The following BTNL2 variants were observed in gnomAD, a reference collection of about 807,000 sequenced individuals.
BTNL2 encodes butyrophilin like 2.
A neutral mutation model predicts 46.8 loss-of-function variants in BTNL2; 46 were observed. The observed-to-expected ratio is 0.98, with a 90% CI of 0.78 to 1.26. The LOEUF is 1.26. Ranked by LOEUF, BTNL2 falls within the 50% of genes most tolerant of loss-of-function variation. The probability of loss-of-function intolerance (pLI) is 0.00; values close to 1 mark genes in which losing one functional copy is unlikely to be tolerated. For missense variants in BTNL2, 461 were observed against 592.6 expected, an observed-to-expected ratio of 0.78 and a Z score of 2.31; for synonymous variants, 226 against 229.1, an observed-to-expected ratio of 0.99 and a Z score of 0.12.
intron 5 of BTNL2, 70 bp downstream of exon 5, chr6:32,395,969 G>T: frequency 8.0e-7 from 1 of 1,248,634 alleles, no homozygotes; most frequent in Non-Finnish European, 1.1e-6. Flanking sequence ...CAGAGAAATT[G>T]TCCAGGAACT....
intron 4 of BTNL2, among the ~76,000 whole-genome samples, chr6:32,397,170 T>C (rs1004190267): frequency 6.6e-6 from 1 of 152,202 alleles, no homozygotes; most frequent in African/African-American, 2.4e-5. Flanking sequence ...AATTTATAAA[T>C]TGCTCATTTT....
rs530038932 is a variant in BTNL2 at position 32,396,108 on chromosome 6, C to T, written c.1009G>A (p.Gly337Arg). Residue 337 changes from glycine to arginine, a missense_variant, in exon 5 of 8, where the codon GGG (glycine) becomes AGG (arginine). Coordinates refer to ENST00000454136, the MANE Select transcript of BTNL2 (RefSeq NM_001304561.2). The surrounding 1 kb of genome is among the most constrained non-coding windows in gnomAD (Gnocchi z 4.4). ...TTTTCAAAAAGGCAGCGGTACTGCC[C>T]GTCGTCCGAAGGTCTGGCACTGAGT... is the stretch of plus-strand genomic sequence containing the variant. ...QILSARPSDD[G>R]QYRCLFEKDD... 1.4e-5 allele frequency: 22 copies of T among 1,613,062 alleles called. No individual in the cohort carries two copies. Among genetic ancestry groups the T allele is most frequent in the African/African-American group, 5.3e-5 (4 of 75,032 alleles).
Position 32,405,109 on chromosome 6 carries a change from A to G in BTNL2, c.257T>C (p.Met86Thr), listed in dbSNP as rs1777040462. 1 of 1,613,042 alleles carries G rather than the reference A, an allele frequency of 6.2e-7. No individual in the cohort carries two copies. Among genetic ancestry groups the G allele is most frequent in the Non-Finnish European group, 8.5e-7 (1 of 1,180,038 alleles). Residue 86 changes from methionine (M) to threonine (T), a missense_variant, in exon 2 of 8, where the codon ATG becomes ACG. By Grantham distance (81) the Met-to-Thr change is moderately conservative (BLOSUM62 -1). Coordinates refer to ENST00000454136, the MANE Select transcript of BTNL2 (RefSeq NM_001304561.2). ...CCAGCCTCTGTACTCCTCCATCTGC[A>G]TCTCAGTCACCTCCACTCCATCCCT... ...VHRDGVEVTE[M>T]QMEEYRGWVE...
intron 5 of BTNL2, among the ~76,000 whole-genome samples, chr6:32,395,435 C>T (rs117722422): frequency 0.012 from 1,855 of 152,220 alleles, 69 homozygotes; most frequent in East Asian, 0.11. Context: ...TCTCAACATG[C>T]GCTCCCATGG....
chr6:32,407,165 G>C lies in BTNL2; in HGVS notation c.-42C>G. The C allele has an allele frequency of 1.3e-6, 2 of 1,556,352 alleles. No individual in the cohort carries two copies. The highest frequency in any genetic ancestry group is 2.2e-5 in the South Asian group (2 of 89,898). On this transcript the variant is annotated 5_prime_UTR_variant, in exon 1 of 8. Transcript: ENST00000454136. ...ACAAGGAAACGCTGTGCCTAAGTGA[G>C]GCTGTGACACACCCGGCACACTCCA...
rs780371187 is a variant in BTNL2 at position 32,405,205 on chromosome 6, G to A, written c.161C>T (p.Pro54Leu). Residue 54 changes from proline (P) to leucine (L), a missense_variant, in exon 2 of 8, where the codon CCC (proline) becomes CTC (leucine). Coordinates refer to ENST00000454136, the MANE Select transcript of BTNL2 (RefSeq NM_001304561.2). ...CTCCACGTGCATTGTGGTCCTCTTG[G>A]GGAGTAGCTGGCAGGTTAACAGGGC... The part of the protein sequence containing the change: ...EDALLTCQLL[P>L]KRTTMHVEVR... 5 of 1,613,056 alleles carry A rather than the reference G, an allele frequency of 3.1e-6. No homozygotes were observed. The South Asian group carries it at 5.5e-5, about 18-fold the overall frequency.
intron 4 of BTNL2, among the ~76,000 whole-genome samples, chr6:32,400,784 A>G (rs9268487): frequency 0.33 from 38,035 of 114,630 alleles, 8,239 homozygotes; most frequent in Non-Finnish European, 0.38. Context: ...GTGGTGGCGC[A>G]TGCCTGTAGT....
chr6:32,396,753 G>A lies in BTNL2; in HGVS notation c.731-367C>T, dbSNP rs1431679386. ...CCCAGCACTTTGGGAGGCCGAAGCG[G>A]GTGGATCACCAGAGGTCAGGAGTTC... On this transcript the variant is annotated intron_variant, in intron 4 of 7. Coordinates refer to ENST00000454136, the MANE Select transcript of BTNL2 (RefSeq NM_001304561.2). This position sits in a 1 kb window ranked among gnomAD's most constrained non-coding sequence, Gnocchi z 4.4. Among the ~76,000 whole-genome samples, 1 of 152,110 alleles carries A rather than the reference G, an allele frequency of 6.6e-6. No individual in the cohort carries two copies. Among genetic ancestry groups the A allele is most frequent in the Non-Finnish European group, 1.5e-5 (1 of 68,046 alleles).
chr6:32,394,585 C>G lies in BTNL2; in HGVS notation c.1360+159G>C. On this transcript the variant is annotated intron_variant, in intron 6 of 7. Transcript: ENST00000454136. The surrounding 1 kb of genome is among the most constrained non-coding windows in gnomAD (Gnocchi z 4.6). ...AGAGAAACTCAGAGGAGTAGAATCC[C>G]TGGGTGTCCTGAAAACCAGCTTTGC... is the stretch of plus-strand genomic sequence containing the variant. 3.9e-6 allele frequency: 3 copies of G among 777,016 alleles called. No homozygotes were observed. The highest frequency in any genetic ancestry group is 6.0e-6 in the Non-Finnish European group (3 of 503,558). The allele number at this position is 777,016 out of a possible 1,614,324, so 48.1% of individuals were successfully genotyped here. A position where few individuals can be genotyped will look rare whatever the true frequency, so the allele number is the denominator to read the frequency against.
chr6:32,395,575 T>A (rs1776397283), intron 5 of BTNL2, among the ~76,000 whole-genome samples: 1 of 152,186 alleles, frequency 6.6e-6, no homozygotes. Flanking sequence ...ACACGGACAG[T>A]GGGAAATGAT....
rs192470463 is a variant in BTNL2, at chr6:32,395,548, C to T, written c.1078+491G>A. Among the ~76,000 whole-genome samples, 372 of 152,258 alleles carry T rather than the reference C, an allele frequency of 2.4e-3. 9 individuals are homozygous for T. The highest frequency in any genetic ancestry group is 0.023 in the Admixed American group (359 of 15,300). ...CTCAATGGCATCTGCTAACCTTGGA[C>T]GTTTCAATTCTCACACACACGGACA... On this transcript the variant is annotated intron_variant, in intron 5 of 7. Transcript: ENST00000454136.
chr6:32,406,096 A>G (rs1777129624), intron 1 of BTNL2: 1 of 152,446 alleles, frequency 6.6e-6, no homozygotes, highest in Non-Finnish European at 1.5e-5. Flanking sequence ...CTCCGGGGCC[A>G]TTTGCTCTTT....
rs532628830 is a variant in BTNL2 at position 32,405,765 on chromosome 6, T to C, written c.80-479A>G. ...GATAATAAATCCATTTATTAGCTTT[T>C]TTTAGCCTTTCAGGATTCCTCTTCT... On this transcript the variant is annotated intron_variant, in intron 1 of 7. Coordinates refer to ENST00000454136, the MANE Select transcript of BTNL2 (RefSeq NM_001304561.2). Among the ~76,000 whole-genome samples, 4 of 152,326 alleles carry C rather than the reference T, an allele frequency of 2.6e-5. No homozygotes were observed. The East Asian group carries it at 7.7e-4, about 29-fold the overall frequency.
intron 2 of BTNL2, among the ~76,000 whole-genome samples, chr6:32,404,506 G>A (rs1776988425): frequency 6.6e-6 from 1 of 152,144 alleles, no homozygotes; most frequent in African/African-American, 2.4e-5. Context: ...CTAACTGAGG[G>A]CATTTCACAA....
rs960061081 is a variant in BTNL2, at chr6:32,394,338, A to C, written c.1361-281T>G. ...GAATGACTTGAGGAGGAAAGGATAA[A>C]ATTACTCAAGCCGCAACCATGAAGA... On this transcript the variant is annotated intron_variant, in intron 6 of 7. Coordinates refer to ENST00000454136, the MANE Select transcript of BTNL2 (RefSeq NM_001304561.2). The surrounding 1 kb of genome is among the most constrained non-coding windows in gnomAD (Gnocchi z 4.6). Among the ~76,000 whole-genome samples the C allele has an allele frequency of 2.6e-5, 4 of 152,240 alleles. No individual in the cohort carries two copies. The highest frequency in any genetic ancestry group is 4.4e-5 in the Non-Finnish European group (3 of 68,042).
In BTNL2 at chr6:32,400,912, C is replaced by CAAA. The variant is rs760395296; in HGVS notation, c.730+870_730+872dup. ...TGGGCAACAGAGCGAGACTCCGTCTCAAAAAAAAAAAAAATGCCCGGCGTG... is the reference window on the plus strand; with the variant it reads ...TGGGCAACAGAGCGAGACTCCGTCTCAAAAAAAAAAAAAAAAATGCCCGGCGTG... On this transcript the variant is annotated intron_variant, in intron 4 of 7. Transcript: ENST00000454136. Among the ~76,000 whole-genome samples, 41 of 93,830 alleles carry CAAA rather than the reference C, an allele frequency of 4.4e-4. 1 individual carries two copies. The highest frequency in any genetic ancestry group is 6.2e-4 in the African/African-American group (15 of 24,370). The allele number at this position is 93,830 out of a possible 152,430, so 61.6% of individuals were successfully genotyped here.
Position 32,393,705 on chromosome 6 carries a change from T to C in BTNL2, c.*6+258A>G, listed in dbSNP as rs143385136. The stretch of plus-strand genomic sequence containing the variant: ...TCTTCTTCTTCCCTAACCAGATCAC[T>C]GGGGAATGGGCAGCAGGAAATCAAA... On this transcript the variant is annotated intron_variant, in intron 7 of 7. Transcript: ENST00000454136. This position sits in a 1 kb window ranked among gnomAD's most constrained non-coding sequence, Gnocchi z 4.8. 2.7e-3 allele frequency: 949 copies of C among 357,996 alleles called. 11 individuals are homozygous for C. Among genetic ancestry groups the C allele is most frequent in the African/African-American group, 0.018 (864 of 47,260 alleles). The allele number at this position is 357,996 out of a possible 1,614,324, so 22.2% of individuals were successfully genotyped here.
chr6:32,401,752 C>T (rs755057103), intron 4 of BTNL2, 33 bp downstream of exon 4: 30 of 1,602,398 alleles, frequency 1.9e-5, no homozygotes, highest in Non-Finnish European at 2.3e-5. Flanking sequence ...CAGAGGCTCC[C>T]TCCACAGGTG....
rs558755529 is a variant in BTNL2, at chr6:32,396,284, A to G, written c.833T>C (p.Met278Thr). The change falls in exon 5 of 8, where the codon ATG becomes ACG. Residue 278 changes from methionine to threonine, a missense_variant. By Grantham distance (81) the Met-to-Thr change is moderately conservative (BLOSUM62 -1). Transcript: ENST00000454136. This position sits in a 1 kb window ranked among gnomAD's most constrained non-coding sequence, Gnocchi z 4.4. ...YLSPKANAQS[M>T]EVRWDRSHRY... ...GTGGGATCGGTCCCACCTCACCTCCATGCTCTGTGCATTCGCCTTGGGGGA... is the reference window on the plus strand; with the variant it reads ...GTGGGATCGGTCCCACCTCACCTCCGTGCTCTGTGCATTCGCCTTGGGGGA... 23 of 1,613,004 alleles carry G rather than the reference A, an allele frequency of 1.4e-5. No individual in the cohort carries two copies. The African/African-American group carries it at 2.8e-4, about 20-fold the overall frequency.
Sources: gnomAD v4.1 joint callset for allele counts (sites outside exome capture counted in the v4.1 genomes callset) on GRCh38, gnomAD v4.1.1 for gene constraint, Gnocchi (gnomAD v3.1) non-coding constraint, MANE v1.5 for transcripts, NCBI Gene and HGNC (gene_info 2026-07-23, HGNC 2026-07-21) for gene names.